The following NCALD variants were observed in gnomAD, a reference collection of about 807,000 sequenced individuals.
NCALD encodes neurocalcin delta, also known as neurocalcin-delta.
In NCALD, 10 loss-of-function variants were observed where a neutral mutation model predicts 18.6. The observed-to-expected ratio is 0.54, with a 90% CI of 0.33 to 0.91. NCALD has a LOEUF of 0.91. Ranked by LOEUF, NCALD falls within the 40% of genes least tolerant of loss-of-function variation. The pLI is 0.03. For missense variants in NCALD, 184 were observed against 247.6 expected (o/e 0.74, Z 1.72); for synonymous variants, 88 against 87.4 (o/e 1.01, Z -0.04).
chr8:102,084,534 C>T (rs1478595521), intron 1 of NCALD, among the ~76,000 whole-genome samples: 1 of 152,216 alleles, frequency 6.6e-6, no homozygotes, highest in African/African-American at 2.4e-5. Context: ...AGGGTTTATG[C>T]CCCTTCTCCC....
chr8:102,101,662 G>C (rs1421731219), intron 1 of NCALD, among the ~76,000 whole-genome samples: 1 of 152,176 alleles, frequency 6.6e-6, no homozygotes, highest in African/African-American at 2.4e-5. Context: ...AGAGCCTTTG[G>C]AATTCTTGTA....
intron 4 of NCALD, among the ~76,000 whole-genome samples, chr8:101,838,815 A>C (rs1005324186): frequency 2.0e-5 from 3 of 152,230 alleles, no homozygotes; most frequent in African/African-American, 7.2e-5. Context: ...GACGTGCAAC[A>C]CTGCTAATAT....
intron 2 of NCALD, among the ~76,000 whole-genome samples, chr8:101,695,465 T>G (rs1814946807): frequency 6.6e-6 from 1 of 152,186 alleles, no homozygotes; most frequent in Non-Finnish European, 1.5e-5. Flanking sequence ...CAAAGGCTGT[T>G]GTCAAGAGTC....
At chr8:101,859,583 A>C (rs778811043) in intron 4 of NCALD, among the ~76,000 whole-genome samples, 8 of 152,180 alleles carry the variant, frequency 5.3e-5, no homozygotes, top group Non-Finnish European at 1.2e-4. Context: ...GCAAATTAAC[A>C]AAGAGATTCT....
chr8:101,888,268 T>G (rs1465553044), intron 3 of NCALD, among the ~76,000 whole-genome samples: 2 of 152,132 alleles, frequency 1.3e-5, no homozygotes, highest in Admixed American at 6.5e-5. Context: ...ATCTGAAGAC[T>G]GATATTTGAG....
chr8:102,114,748 G>C (rs1825735769), intron 1 of NCALD, among the ~76,000 whole-genome samples: 1 of 152,212 alleles, frequency 6.6e-6, no homozygotes, highest in Non-Finnish European at 1.5e-5. Flanking sequence ...CAGAAGAAAA[G>C]ATGGCCATTG....
intron 1 of NCALD, among the ~76,000 whole-genome samples, chr8:102,034,132 C>T (rs1586955605): frequency 6.6e-6 from 1 of 152,114 alleles, no homozygotes; most frequent in East Asian, 1.9e-4. Flanking sequence ...ATAGAACTCA[C>T]TCTCCCCTTT....
At chr8:101,988,510 C>A (rs1013461702) in intron 2 of NCALD, among the ~76,000 whole-genome samples, 2 of 152,138 alleles carry the variant, frequency 1.3e-5, no homozygotes, top group Non-Finnish European at 2.9e-5. Context: ...TGGAGTTGAT[C>A]ATATTAGTTA....
intron 2 of NCALD, among the ~76,000 whole-genome samples, chr8:101,961,885 C>T (rs1819849745): frequency 6.6e-6 from 1 of 152,068 alleles, no homozygotes; most frequent in Non-Finnish European, 1.5e-5. Flanking sequence ...TGGCTTGGGC[C>T]ACAGTGAAAT....
intron 1 of NCALD, among the ~76,000 whole-genome samples, chr8:102,069,768 G>T (rs1440174823): frequency 6.6e-6 from 1 of 152,218 alleles, no homozygotes; most frequent in African/African-American, 2.4e-5. Flanking sequence ...ATTGTTAAAT[G>T]ACAGAAGCAG....
intron 2 of NCALD, among the ~76,000 whole-genome samples, chr8:101,714,940 T>C (rs1815998549): frequency 6.7e-6 from 1 of 148,938 alleles, no homozygotes; most frequent in African/African-American, 2.6e-5. Flanking sequence ...GAGCTTGCAG[T>C]GAGCCGAGAT....
chr8:101,819,109 G>C (rs1813614704), intron 4 of NCALD, among the ~76,000 whole-genome samples: 1 of 151,956 alleles, frequency 6.6e-6, no homozygotes, highest in Non-Finnish European at 1.5e-5. Flanking sequence ...CTTAGCTGTA[G>C]GTATGAAAAT....
chr8:101,923,117 T>C (rs1330245786), intron 2 of NCALD, among the ~76,000 whole-genome samples: 1 of 152,180 alleles, frequency 6.6e-6, no homozygotes, highest in East Asian at 1.9e-4. Flanking sequence ...TTTTGTCCTT[T>C]TGTCCCTTTC....
At chr8:101,817,307 G>T (rs112988268) in intron 4 of NCALD, among the ~76,000 whole-genome samples, 1 of 152,154 alleles carries the variant, frequency 6.6e-6, no homozygotes, top group Non-Finnish European at 1.5e-5. Context: ...CAGATCAAGC[G>T]CTTGATTAGG....
At chr8:101,990,775 G>T (rs1821014308) in intron 2 of NCALD, among the ~76,000 whole-genome samples, 1 of 152,108 alleles carries the variant, frequency 6.6e-6, no homozygotes, top group South Asian at 2.1e-4. Flanking sequence ...GCATAAAAAT[G>T]GACTAATACA....
rs1204614149 is a variant in NCALD at position 101,872,245 on chromosome 8, T to A, written c.-20+14896A>T. On this transcript the variant is annotated intron_variant, in intron 4 of 6. Transcript: ENST00000311028. ...ACTGGCTTTGGTAACTTCTTGAACA[T>A]AATACTTCCCTGAAATCTCCAAAAC... The A allele has an allele frequency of 9.1e-6, 13 of 1,427,780 alleles. No homozygotes were observed. The East Asian group carries it at 3.0e-4, about 33-fold the overall frequency. The allele number at this position is 1,427,780 out of a possible 1,614,324, so 88.4% of individuals were successfully genotyped here.
chr8:101,865,462 C>T (rs1395939115), intron 4 of NCALD, among the ~76,000 whole-genome samples: 1 of 152,128 alleles, frequency 6.6e-6, no homozygotes, highest in Non-Finnish European at 1.5e-5. Flanking sequence ...GGAGCCTCAG[C>T]CCTTCGTCAC....
chr8:101,815,570 C>T lies in NCALD; in HGVS notation c.-20+71571G>A, dbSNP rs1195172453. Among the ~76,000 whole-genome samples, 4 of 152,156 alleles carry T rather than the reference C, an allele frequency of 2.6e-5. No homozygotes were observed. In the East Asian group the frequency reaches 7.7e-4, roughly 29 times the overall value. On this transcript the variant is annotated intron_variant, in intron 4 of 6. Transcript: ENST00000311028. ...TGAAAAGATGCTTCACATTAGATGTCATCAGGGGAATGTAAATTAAAATGA... is the reference window on the plus strand; with the variant it reads ...TGAAAAGATGCTTCACATTAGATGTTATCAGGGGAATGTAAATTAAAATGA...
intron 4 of NCALD, among the ~76,000 whole-genome samples, chr8:101,852,912 C>T (rs1815155893): frequency 6.6e-6 from 1 of 152,158 alleles, no homozygotes; most frequent in Non-Finnish European, 1.5e-5. Context: ...AACTTCTGAA[C>T]TGTGTATGAG....
Sources: allele counts gnomAD v4.1 joint callset (sites outside exome capture counted in the v4.1 genomes callset), GRCh38; gene constraint gnomAD v4.1.1; transcripts MANE v1.5; gene names NCBI Gene and HGNC (gene_info 2026-07-23, HGNC 2026-07-21).